The following ZNF782 variants were observed in gnomAD, a reference collection of about 807,000 sequenced individuals.
ZNF782 encodes zinc finger protein 782.
A neutral mutation model predicts 13.0 loss-of-function variants in ZNF782; 12 were observed. The ratio of observed to expected loss-of-function variants is 0.92; its 90% CI spans 0.59 to 1.50. The LOEUF (loss-of-function observed/expected upper bound fraction) is 1.50, where lower values mean the gene tolerates loss of function less well. ZNF782 is among the 40% of genes most tolerant of loss of function. ZNF782 has a pLI of 0.00. For missense variants in ZNF782, 770 were observed against 822.9 expected, an observed-to-expected ratio of 0.94 and a Z score of 0.79; for synonymous variants, 284 against 283.0, an observed-to-expected ratio of 1.00 and a Z score of -0.04.
chr9:96,842,764 A>G (rs529018601), intron 4 of ZNF782, among the ~76,000 whole-genome samples: 2 of 152,240 alleles, frequency 1.3e-5, no homozygotes, highest in African/African-American at 4.8e-5. Context: ...TGAAAAGACA[A>G]GTTACAGACT....
chr9:96,913,109 G>A, the ZNF782 span, among the ~76,000 whole-genome samples: 1 of 151,226 alleles, frequency 6.6e-6, no homozygotes, highest in Non-Finnish European at 1.5e-5. Context: ...CAGGCCAGAA[G>A]TTCGAGACCA....
At chr9:96,853,604 A>ACT (rs1564012399) in intron 1 of ZNF782, among the ~76,000 whole-genome samples, 3 of 152,210 alleles carry the variant, frequency 2.0e-5, no homozygotes, top group African/African-American at 7.2e-5. Flanking sequence ...GACCCAAGAG[A>ACT]TCTGAAGACA....
At chr9:96,894,235 C>T in the ZNF782 span, 4 of 152,076 alleles carry the variant, frequency 2.6e-5, no homozygotes, top group African/African-American at 7.2e-5. Flanking sequence ...GGAGAAATAC[C>T]TAATGTAAAT....
chr9:96,868,716 G>T (rs1851790437), intron 1 of ZNF782, among the ~76,000 whole-genome samples: 1 of 152,190 alleles, frequency 6.6e-6, no homozygotes, highest in Admixed American at 6.5e-5. Context: ...TGGGAAAGTT[G>T]AATGCTTTCT....
intron 2 of ZNF782, among the ~76,000 whole-genome samples, chr9:96,861,320 G>C (rs1279096911): frequency 6.6e-6 from 1 of 152,142 alleles, no homozygotes; most frequent in Non-Finnish European, 1.5e-5. Context: ...CAGAATGGGG[G>C]AAGATATTTG....
rs571431095 is a variant in ZNF782, at chr9:96,821,740, C to T, written c.245-1962G>A. Among the ~76,000 whole-genome samples the T allele has an allele frequency of 1.1e-3, 170 of 150,606 alleles. No individual in the cohort carries two copies. In the South Asian group the frequency reaches 0.011, roughly 10 times the overall value. On this transcript the variant is annotated intron_variant, in intron 5 of 5. Transcript: ENST00000481138. ...AGGCTGGAGTGCAGTGGTGCGATCT[C>T]GGCTCACTGCAAGCTTCACCTCCCG...
chr9:96,832,458 C>T (rs1850837014), intron 4 of ZNF782, among the ~76,000 whole-genome samples: 1 of 152,138 alleles, frequency 6.6e-6, no homozygotes, highest in Non-Finnish European at 1.5e-5. Context: ...TTTCCTGATG[C>T]TTGAAAGATT....
the ZNF782 span, chr9:96,918,763 G>T: frequency 6.1e-6 from 1 of 163,374 alleles, no homozygotes; most frequent in Non-Finnish European, 1.3e-5. Flanking sequence ...CTTGTGTGCC[G>T]AGGAGACTCC....
In ZNF782 at chr9:96,844,959, T is replaced by C. The variant is rs781617690; in HGVS notation, c.73A>G (p.Met25Val). ...TACAGGGTCCTCTCAACAGGGCCCA[T>C]GTGCTGCCACTCCTCCTGGCTGAAT... ...VEFSQEEWQH[M>V]GPVERTLYRD... is the part of the protein sequence containing the mutation. The change falls in exon 4 of 6, where the codon ATG becomes GTG. Residue 25 changes from methionine to valine, a missense_variant. Met to Val is a conservative substitution (Grantham distance 21, BLOSUM62 1). Transcript: ENST00000481138. 27 of 1,613,988 alleles carry C rather than the reference T, an allele frequency of 1.7e-5. No homozygotes were observed. The Middle Eastern group carries it at 1.2e-3, about 69-fold the overall frequency.
At chr9:96,890,019 C>G in the ZNF782 span, 1 of 152,352 alleles carries the variant, frequency 6.6e-6, no homozygotes, top group South Asian at 2.1e-4. Flanking sequence ...TCCTGGTTTT[C>G]TTGTGGAACA....
rs1361884970 is a variant in ZNF782 at position 96,818,837 on chromosome 9, A to G, written c.1186T>C (p.Cys396Arg). 2 of 1,614,026 alleles carry G rather than the reference A, an allele frequency of 1.2e-6. No individual in the cohort carries two copies. The highest frequency in any genetic ancestry group is 8.5e-7 in the Non-Finnish European group (1 of 1,180,016). The change falls in exon 6 of 6, where the codon TGT becomes CGT. Residue 396 changes from cysteine to arginine, a missense_variant. By Grantham distance (180) the Cys-to-Arg change is radical. Coordinates refer to ENST00000481138, the MANE Select transcript of ZNF782 (RefSeq NM_001001662.3). ...CTGAAGGCTTTCCCGCACTCAGGAC[A>G]TTCATAGGGTTTCTCCCCTGTGTGA... The part of the protein sequence containing the change: ...KSHTGEKPYE[C>R]PECGKAFSEK...
chr9:96,893,577 C>T, the ZNF782 span: 1 of 152,158 alleles, frequency 6.6e-6, no homozygotes, highest in African/African-American at 2.4e-5. Flanking sequence ...GACAAATGTA[C>T]ATGTACGTTT....
chr9:96,867,735 G>A (rs1851776559), intron 1 of ZNF782, among the ~76,000 whole-genome samples: 6 of 152,186 alleles, frequency 3.9e-5, no homozygotes, highest in Admixed American at 2.0e-4. Flanking sequence ...TTGTGCAGCT[G>A]CACTAAGGGA....
At chr9:96,847,329 T>A (rs1345231897) in intron 3 of ZNF782, among the ~76,000 whole-genome samples, 1 of 151,794 alleles carries the variant, frequency 6.6e-6, no homozygotes. Context: ...AAGATCAAAG[T>A]AGAACTAAAT....
At chr9:96,873,635 C>T (rs144553243) in intron 1 of ZNF782, among the ~76,000 whole-genome samples, 1 of 152,296 alleles carries the variant, frequency 6.6e-6, no homozygotes, top group East Asian at 1.9e-4. Flanking sequence ...GGGAGGCAGA[C>T]GTTGCAGTGA....
chr9:96,825,980 A>C (rs942828836), intron 5 of ZNF782, among the ~76,000 whole-genome samples: 1 of 152,130 alleles, frequency 6.6e-6, no homozygotes, highest in Non-Finnish European at 1.5e-5. Flanking sequence ...CCATTGTGGA[A>C]GTCAGTGTGG....
chr9:96,843,044 G>A (rs948611675), intron 4 of ZNF782, among the ~76,000 whole-genome samples: 5 of 152,072 alleles, frequency 3.3e-5, no homozygotes, highest in African/African-American at 1.2e-4. Flanking sequence ...TAGCAACAAT[G>A]CCTAGTACCA....
At chr9:96,839,732 G>A (rs1851131864) in intron 4 of ZNF782, among the ~76,000 whole-genome samples, 1 of 151,848 alleles carries the variant, frequency 6.6e-6, no homozygotes, top group African/African-American at 2.4e-5. Context: ...AATATCAACA[G>A]TTACGTATAT....
Position 96,831,933 on chromosome 9 carries a change from G to A in ZNF782, c.143-4752C>T, listed in dbSNP as rs754998278. Among the ~76,000 whole-genome samples, 56 of 152,000 alleles carry A rather than the reference G, an allele frequency of 3.7e-4. 1 individual carries two copies. The highest frequency in any genetic ancestry group is 3.1e-4 in the Non-Finnish European group (21 of 67,958). On this transcript the variant is annotated intron_variant, in intron 4 of 5. Transcript: ENST00000481138. ...TTTCTTGTAGATGGCATACATTTAG[G>A]TGAATTTTAAAAACCAACTCTTTCA...
Sources: gnomAD v4.1 joint callset for allele counts (sites outside exome capture counted in the v4.1 genomes callset) on GRCh38, gnomAD v4.1.1 for gene constraint, MANE v1.5 for transcripts, NCBI Gene and HGNC (gene_info 2026-07-23, HGNC 2026-07-21) for gene names.